Variants in SYNE1 observed in about 807,000 individuals in gnomAD.
SYNE1 encodes the protein nesprin-1.
SYNE1 carries 616 observed loss-of-function variants against 1,111.0 expected under a neutral mutation model. The observed-to-expected ratio is 0.55, with a 90% CI of 0.52 to 0.59. The LOEUF is 0.59. Ranked by LOEUF, SYNE1 falls within the 20% of genes least tolerant of loss-of-function variation. The pLI, the probability that SYNE1 is intolerant of heterozygous loss-of-function variation, is 0.00. For synonymous variants in SYNE1, 3,855 were observed against 3,825.8 expected (o/e 1.01, Z -0.28); for missense variants, 10,006 against 10,417.0 (o/e 0.96, Z 1.72).
At chr6:152,517,325 A>G (rs1014926677) in intron 6 of SYNE1, among the ~76,000 whole-genome samples, 1 of 152,222 alleles carries the variant, frequency 6.6e-6, no homozygotes, top group African/African-American at 2.4e-5. Context: ...TTATAAAACT[A>G]GTTTTGGTAT....
chr6:152,484,196 A>G (rs1020606207), intron 13 of SYNE1, among the ~76,000 whole-genome samples: 2 of 152,078 alleles, frequency 1.3e-5, no homozygotes, highest in African/African-American at 4.8e-5. Context: ...TGGGTGACAG[A>G]GCAAGACACT....
chr6:152,180,311 G>A lies in SYNE1; in HGVS notation c.23302-17C>T. 1.2e-6 allele frequency: 2 copies of A among 1,613,342 alleles called. No individual in the cohort carries two copies. The highest frequency in any genetic ancestry group is 1.7e-6 in the Non-Finnish European group (2 of 1,179,666). On this transcript the variant is annotated splice_polypyrimidine_tract_variant and intron_variant, in intron 128 of 145. Transcript: ENST00000367255. ...TAAGGAGAGCTGAAAAGTTTAAAATGGGAGAATAGGCAAAATGATTATCAG... is the reference window on the plus strand; with the variant it reads ...TAAGGAGAGCTGAAAAGTTTAAAATAGGAGAATAGGCAAAATGATTATCAG...
chr6:152,541,446 G>A (rs2099269067), intron 3 of SYNE1, among the ~76,000 whole-genome samples: 1 of 152,100 alleles, frequency 6.6e-6, no homozygotes, highest in African/African-American at 2.4e-5. Context: ...AGTTGTTGGT[G>A]TATAGAAATG....
intron 32 of SYNE1, among the ~76,000 whole-genome samples, chr6:152,437,386 A>T (rs2098483252): frequency 6.6e-6 from 1 of 152,168 alleles, no homozygotes; most frequent in Non-Finnish European, 1.5e-5. Flanking sequence ...TGCAGATGAT[A>T]ATCCTTTTCT....
intron 131 of SYNE1, among the ~76,000 whole-genome samples, chr6:152,163,287 T>A (rs2062911250): frequency 6.6e-6 from 1 of 152,068 alleles, no homozygotes; most frequent in South Asian, 2.1e-4. Context: ...TCACTTGAGG[T>A]CAGGAGTTTG....
At chr6:152,508,070 C>T (rs182208569) in intron 8 of SYNE1, among the ~76,000 whole-genome samples, 4 of 152,280 alleles carry the variant, frequency 2.6e-5, no homozygotes, top group African/African-American at 9.6e-5. Flanking sequence ...AATAACATCA[C>T]TCATACCTCA....
Position 152,326,324 on chromosome 6 carries a change from A to G in SYNE1, c.15265T>C (p.Ser5089Pro). 6.2e-7 allele frequency: 1 copy of G among 1,614,168 alleles called. No individual in the cohort carries two copies. The highest frequency in any genetic ancestry group is 8.5e-7 in the Non-Finnish European group (1 of 1,180,006). ...ELRSQRMSRD[S>P]GAQVDLLQRC... ...TGCAAGAGATCCACTTGGGCACCAG[A>G]GTCCCGGCTCATCCTCTGGCTCCTG... The change falls in exon 79 of 146, where the codon TCT (serine) becomes CCT (proline). Residue 5089 changes from serine to proline, a missense_variant. Coordinates refer to ENST00000367255, the MANE Select transcript of SYNE1 (RefSeq NM_182961.4).
In SYNE1 at chr6:152,364,857, G is replaced by A. The variant is rs200410901; in HGVS notation, c.10135C>T (p.Arg3379Cys). The change falls in exon 63 of 146, where the codon CGT becomes TGT. Residue 3379 changes from arginine to cysteine, a missense_variant. Around this residue, in one of 7 missense-constraint regions of SYNE1, gnomAD observed 4,955 missense variants for 5,017.2 expected, o/e 0.99. Coordinates refer to ENST00000367255, the MANE Select transcript of SYNE1 (RefSeq NM_182961.4). ...TGTAGTTTCCCTCACCTTTTACAAC[G>A]AATCCCTGCAGACAAAAGGGATGCC... ...MWASLLSAGI[R>C]CKSQLEGALS... 5.2e-5 allele frequency: 84 copies of A among 1,614,050 alleles called. No homozygotes were observed. Among genetic ancestry groups the A allele is most frequent in the Middle Eastern group, 1.6e-4 (1 of 6,062 alleles).
chr6:152,129,238 A>G (rs555936369), intron 145 of SYNE1: 2 of 152,382 alleles, frequency 1.3e-5, no homozygotes, highest in Non-Finnish European at 2.9e-5. Flanking sequence ...TTTGGGAACC[A>G]AAGAGTGACT....
At chr6:152,632,071 A>G (rs2099698820) in intron 2 of SYNE1, among the ~76,000 whole-genome samples, 1 of 152,062 alleles carries the variant, frequency 6.6e-6, no homozygotes, top group South Asian at 2.1e-4. Flanking sequence ...GATCCATACT[A>G]TCCTAGGTAC....
rs556467320 is a variant in SYNE1, at chr6:152,532,628, C to T, written c.130-6453G>A. 1.1e-3 allele frequency among the ~76,000 whole-genome samples: 160 copies of T among 152,274 alleles called. 1 individual carries two copies. Among genetic ancestry groups the T allele is most frequent in the Non-Finnish European group, 1.8e-3 (122 of 68,030 alleles). ...CCTGAGATAGTCACAACATTTTCTT[C>T]TGCAGAGCATGTAGGGAGGTCTCAA... is the stretch of plus-strand genomic sequence containing the variant. On this transcript the variant is annotated intron_variant, in intron 4 of 145. Transcript: ENST00000367255.
intron 3 of SYNE1, among the ~76,000 whole-genome samples, chr6:152,593,608 A>G (rs1027112225): frequency 1.8e-4 from 28 of 152,210 alleles, no homozygotes; most frequent in South Asian, 2.1e-4. Flanking sequence ...GCTTGAAGAC[A>G]TAGAGGACGG....
intron 119 of SYNE1, among the ~76,000 whole-genome samples, 184 bp downstream of exon 119, chr6:152,220,658 C>T (rs938946068): frequency 2.0e-5 from 3 of 152,172 alleles, no homozygotes; most frequent in Non-Finnish European, 2.9e-5. Context: ...TGGGAGGAGA[C>T]CTCTTAGTCT....
Position 152,330,253 on chromosome 6 carries a change from G to C in SYNE1, c.14432C>G (p.Ala4811Gly). 6.2e-7 allele frequency: 1 copy of C among 1,614,166 alleles called. No individual in the cohort carries two copies. The highest frequency in any genetic ancestry group is 1.1e-5 in the South Asian group (1 of 91,078). Reference sequence around the variant, plus strand: ...GTGATACATTTTGAGCTTCTCCTCTGCAGGCAGCGTTTCCTCATTCACTTT... The same window carrying C: ...GTGATACATTTTGAGCTTCTCCTCTCCAGGCAGCGTTTCCTCATTCACTTT... ...QSKVNEETLP[A>G]EEKLKMYHSL... Residue 4811 changes from alanine to glycine, a missense_variant, in exon 78 of 146, where the codon GCA becomes GGA. Ala to Gly is a moderately conservative substitution (Grantham distance 60, BLOSUM62 0). Transcript: ENST00000367255.
At chr6:152,381,406 A>C in intron 55 of SYNE1, 44 bp from the exon 56 acceptor site, 1 of 1,594,828 alleles carries the variant, frequency 6.3e-7, no homozygotes, top group South Asian at 1.1e-5. Flanking sequence ...CCTGTGAGTC[A>C]CTTGGACTGC....
chr6:152,378,059 C>G (rs892291738), intron 56 of SYNE1, among the ~76,000 whole-genome samples: 1 of 152,118 alleles, frequency 6.6e-6, no homozygotes, highest in African/African-American at 2.4e-5. Flanking sequence ...CAGAGTGTTC[C>G]TCTCATAGGA....
intron 121 of SYNE1, among the ~76,000 whole-genome samples, chr6:152,216,938 C>G (rs1379097365): frequency 6.6e-6 from 1 of 151,768 alleles, no homozygotes; most frequent in East Asian, 2.0e-4. Flanking sequence ...TGGCACATGC[C>G]TGTAGTCCCA....
chr6:152,269,997 A>C (rs2096400805), intron 98 of SYNE1, among the ~76,000 whole-genome samples: 1 of 152,016 alleles, frequency 6.6e-6, no homozygotes, highest in South Asian at 2.1e-4. Context: ...CCAGGTCTTG[A>C]CCTCTATGTC....
Position 152,628,297 on chromosome 6 carries a change from C to T in SYNE1, c.35G>A (p.Arg12Gln), listed in dbSNP as rs902583998. The T allele has an allele frequency of 6.8e-6, 11 of 1,614,132 alleles. No homozygotes were observed. Among genetic ancestry groups the T allele is most frequent in the African/African-American group, 2.7e-5 (2 of 75,018 alleles). ...ATSRGASRCPRDIANVMQRLQ... is the reference protein window; with the variant it reads ...ATSRGASRCPQDIANVMQRLQ... ...CCTCTGCATCACATTGGCGATATCCCGAGGACACCGGGAGGCCCCTCTGGA... is the reference window on the plus strand; with the variant it reads ...CCTCTGCATCACATTGGCGATATCCTGAGGACACCGGGAGGCCCCTCTGGA... The change falls in exon 3 of 146, where the codon CGG becomes CAG. Residue 12 changes from arginine to glutamine, a missense_variant. By Grantham distance (43) the Arg-to-Gln change is conservative. Transcript: ENST00000367255.
Sources: gnomAD v4.1 joint callset for allele counts (sites outside exome capture counted in the v4.1 genomes callset) on GRCh38, gnomAD v4.1.1 for gene constraint, gnomAD v4.1.1 regional missense constraint, MANE v1.5 for transcripts, NCBI Gene and HGNC (gene_info 2026-07-23, HGNC 2026-07-21) for gene names.